METTL15: variants seen among roughly 807,000 people sequenced by gnomAD.
The protein encoded by METTL15 is methyltransferase 15, mitochondrial 12S rRNA N4-cytidine, also known as 12S rRNA N(4)-cytidine methyltransferase METTL15.
METTL15 carries 34 observed loss-of-function variants against 38.3 expected under a neutral mutation model. The observed-to-expected ratio is 0.89, with a 90% CI of 0.68 to 1.18. METTL15 has a LOEUF of 1.18. METTL15 is among the 50% of genes most tolerant of loss of function. METTL15 has a pLI of 0.00. For missense variants in METTL15, 438 were observed against 498.4 expected (o/e 0.88, Z 1.15); for synonymous variants, 162 against 170.9 (o/e 0.95, Z 0.41).
At chr11:28,157,195 A>G (rs1290340728) in intron 3 of METTL15, among the ~76,000 whole-genome samples, 3 of 152,198 alleles carry the variant, frequency 2.0e-5, no homozygotes, top group South Asian at 2.1e-4. Flanking sequence ...AAGAGGCACA[A>G]TGCTTTGTAG....
chr11:28,224,321 A>G (rs952268569), intron 4 of METTL15, among the ~76,000 whole-genome samples: 1 of 151,944 alleles, frequency 6.6e-6, no homozygotes, highest in African/African-American at 2.4e-5. Context: ...GCATAACTGC[A>G]TTTTAAAGAA....
intron 3 of METTL15, among the ~76,000 whole-genome samples, chr11:28,172,988 TGAA>T (rs1850913129): frequency 6.6e-6 from 1 of 152,182 alleles, no homozygotes; most frequent in African/African-American, 2.4e-5. Flanking sequence ...GATTTCAATA[TGAA>T]GAATCTTAAA....
At chr11:28,187,642 A>C (rs1360180494) in intron 3 of METTL15, among the ~76,000 whole-genome samples, 1 of 150,474 alleles carries the variant, frequency 6.6e-6, no homozygotes, top group African/African-American at 2.4e-5. Flanking sequence ...TTATCTTTAT[A>C]GGGAAAAATA....
intron 5 of METTL15, among the ~76,000 whole-genome samples, chr11:28,409,012 C>T (rs1005983017): frequency 1.3e-5 from 2 of 152,128 alleles, no homozygotes; most frequent in African/African-American, 4.8e-5. Context: ...GCAGAATATA[C>T]GTTCTTTTTT....
intron 5 of METTL15, among the ~76,000 whole-genome samples, chr11:28,407,102 A>G (rs573590242): frequency 6.6e-6 from 1 of 152,046 alleles, no homozygotes; most frequent in East Asian, 1.9e-4. Flanking sequence ...TATATTGAGG[A>G]TTTTTGCATT....
At chr11:28,368,575 A>G (rs1400256689) in intron 5 of METTL15, among the ~76,000 whole-genome samples, 3 of 152,188 alleles carry the variant, frequency 2.0e-5, no homozygotes, top group Non-Finnish European at 2.9e-5. Flanking sequence ...TAGTTGAACC[A>G]TTGTGGAAGA....
chr11:28,167,036 G>A (rs763053372), intron 3 of METTL15, among the ~76,000 whole-genome samples: 7 of 152,238 alleles, frequency 4.6e-5, no homozygotes, highest in African/African-American at 1.2e-4. Flanking sequence ...CCTTTTGATT[G>A]TATTTGTTAT....
chr11:28,291,725 A>G (rs1393742667), intron 5 of METTL15, among the ~76,000 whole-genome samples: 2 of 151,638 alleles, frequency 1.3e-5, no homozygotes, highest in African/African-American at 4.9e-5. Flanking sequence ...ATACAGTCTC[A>G]TGTGTGGAGA....
At chr11:28,197,698 A>C (rs1337924518) in intron 3 of METTL15, 1 of 261,720 alleles carries the variant, frequency 3.8e-6, no homozygotes, top group Non-Finnish European at 7.9e-6. Context: ...ATATGTGCAT[A>C]TATGTAATTG....
chr11:28,173,075 ATATT>A (rs1256927102), intron 3 of METTL15, among the ~76,000 whole-genome samples: 2 of 152,128 alleles, frequency 1.3e-5, no homozygotes, highest in African/African-American at 2.4e-5. Context: ...AACTTTTTTG[ATATT>A]TATTTTTTAA....
intron 6 of METTL15, among the ~76,000 whole-genome samples, chr11:28,498,400 C>T (rs1340007880): frequency 9.2e-5 from 14 of 152,052 alleles, no homozygotes; most frequent in African/African-American, 2.2e-4. Flanking sequence ...CCTCGTGATC[C>T]GCCCACCTCG....
chr11:28,512,328 C>T (rs769991241), intron 6 of METTL15, among the ~76,000 whole-genome samples: 74 of 152,340 alleles, frequency 4.9e-4, no homozygotes, highest in African/African-American at 1.6e-3. Flanking sequence ...CCACGCAGTG[C>T]GCCCGCACTC....
chr11:28,290,592 A>G (rs1288459068), intron 5 of METTL15, among the ~76,000 whole-genome samples, 195 bp downstream of exon 5: 2 of 152,152 alleles, frequency 1.3e-5, no homozygotes, highest in Non-Finnish European at 1.5e-5. Flanking sequence ...TTAAAGAAAA[A>G]CAATGATTGC....
chr11:28,500,012 T>TTTG (rs914616209), intron 6 of METTL15, among the ~76,000 whole-genome samples: 6 of 151,878 alleles, frequency 4.0e-5, no homozygotes, highest in African/African-American at 1.5e-4. Flanking sequence ...ATTGCTATTT[T>TTTG]TTTTTTTTTT....
intron 3 of METTL15, among the ~76,000 whole-genome samples, chr11:28,194,387 A>G (rs943916048): frequency 2.6e-5 from 4 of 151,582 alleles, no homozygotes; most frequent in South Asian, 2.1e-4. Flanking sequence ...TTTAGTACAG[A>G]TGGAGTTTTA....
intron 6 of METTL15, among the ~76,000 whole-genome samples, chr11:28,438,974 G>C (rs1851008803): frequency 6.6e-6 from 1 of 151,350 alleles, no homozygotes; most frequent in African/African-American, 2.4e-5. Context: ...ACCGCGCCCA[G>C]CCAGACCACA....
chr11:28,372,851 T>G (rs1236471148), intron 5 of METTL15, among the ~76,000 whole-genome samples: 1 of 141,124 alleles, frequency 7.1e-6, no homozygotes, highest in Non-Finnish European at 1.5e-5. Context: ...TTCCCACCTA[T>G]GAGTGAGAAT....
At chr11:28,176,764 C>T (rs1190697580) in intron 3 of METTL15, among the ~76,000 whole-genome samples, 2 of 151,992 alleles carry the variant, frequency 1.3e-5, no homozygotes, top group African/African-American at 4.8e-5. Context: ...CTGTGAGATT[C>T]AGTTGCCTTA....
chr11:28,480,952 A>T (rs1470678668), intron 6 of METTL15, among the ~76,000 whole-genome samples: 1 of 152,200 alleles, frequency 6.6e-6, no homozygotes, highest in Non-Finnish European at 1.5e-5. Context: ...GAGTCATAGC[A>T]TATGGGGAGA....
Sources: allele counts gnomAD v4.1 joint callset (sites outside exome capture counted in the v4.1 genomes callset), GRCh38; gene constraint gnomAD v4.1.1; transcripts MANE v1.5; gene names NCBI Gene and HGNC (gene_info 2026-07-23, HGNC 2026-07-21).